Variants in FHAD1 observed in about 807,000 individuals in gnomAD.
FHAD1 encodes the protein forkhead-associated domain-containing protein 1.
FHAD1 carries 146 observed loss-of-function variants against 191.3 expected under a neutral mutation model. The observed-to-expected ratio is 0.76, with a 90% confidence interval of 0.67 to 0.88. The LOEUF (loss-of-function observed/expected upper bound fraction) is 0.88, where lower values mean the gene tolerates loss of function less well. Ranked by LOEUF, FHAD1 falls within the 40% of genes least tolerant of loss-of-function variation. FHAD1 has a pLI of 0.00. For synonymous variants in FHAD1, 616 were observed against 672.3 expected (o/e 0.92, Z 1.29); for missense variants, 1,635 against 1,785.8 (o/e 0.92, Z 1.52).
At chr1:15,350,339 G>A (rs973254032) in intron 19 of FHAD1, among the ~76,000 whole-genome samples, 2 of 152,234 alleles carry the variant, frequency 1.3e-5, no homozygotes, top group South Asian at 2.1e-4. Flanking sequence ...GAGAGTGCCC[G>A]AGGGCAGGAC....
intron 19 of FHAD1, among the ~76,000 whole-genome samples, chr1:15,351,292 C>A (rs928398793): frequency 1.3e-5 from 2 of 152,158 alleles, no homozygotes; most frequent in Non-Finnish European, 2.9e-5. Context: ...TTGCAGACAG[C>A]TGAGAGCACG....
rs199936638 is a variant in FHAD1 at position 15,352,908 on chromosome 1, G to A, written c.2486G>A (p.Arg829His). Residue 829 changes from arginine (R) to histidine (H), a missense_variant, in exon 20 of 34, where the codon CGC becomes CAC. Physicochemically the swap from Arg to His is conservative, Grantham distance 29. Transcript: ENST00000688493. Reference sequence around the variant, plus strand: ...GAGAGCAACATTGCGTACGAGAAACGCAAAGCAAAGGAGGCCATGGAGAAG... The same window carrying A: ...GAGAGCAACATTGCGTACGAGAAACACAAAGCAAAGGAGGCCATGGAGAAG... ...ISESNIAYEKRKAKEAMEKEK... is the reference protein window; with the variant it reads ...ISESNIAYEKHKAKEAMEKEK... The A allele has an allele frequency of 1.9e-4, 299 of 1,551,432 alleles. No individual in the cohort carries two copies. Among genetic ancestry groups the A allele is most frequent in the African/African-American group, 2.7e-4 (20 of 73,044 alleles).
intron 33 of FHAD1, among the ~76,000 whole-genome samples, chr1:15,395,415 G>T (rs1007947572): frequency 6.6e-6 from 1 of 151,768 alleles, no homozygotes; most frequent in Admixed American, 6.6e-5. Context: ...TGTCATTTCT[G>T]CCCCTCTCCA....
At chr1:15,339,630 C>A in intron 15 of FHAD1, 79 bp downstream of exon 15, 1 of 573,254 alleles carries the variant, frequency 1.7e-6, no homozygotes, top group Non-Finnish European at 2.8e-6. Context: ...GCATTTGAAA[C>A]CTGTTTTTTC....
intron 15 of FHAD1, among the ~76,000 whole-genome samples, chr1:15,339,856 C>T (rs937021327): frequency 3.3e-5 from 5 of 151,828 alleles, no homozygotes; most frequent in African/African-American, 1.2e-4. Flanking sequence ...TTTTGAGTCT[C>T]GCTCTGTTGC....
At chr1:15,398,853 T>G (rs1706763554), downstream of FHAD1, among the ~76,000 whole-genome samples, 1 of 149,564 alleles carries the variant, frequency 6.7e-6, no homozygotes, top group Non-Finnish European at 1.5e-5. Context: ...AGAGTTTCAC[T>G]CTGGTCGCCC....
intron 21 of FHAD1, among the ~76,000 whole-genome samples, chr1:15,359,732 T>C (rs1480334721): frequency 2.0e-5 from 3 of 151,730 alleles, no homozygotes; most frequent in Admixed American, 2.0e-4. Flanking sequence ...GGGCGGATCA[T>C]GAGGTCAAGA....
chr1:15,239,670 A>G (rs1482429046), intron 1 of FHAD1, among the ~76,000 whole-genome samples: 1 of 152,230 alleles, frequency 6.6e-6, no homozygotes, highest in Non-Finnish European at 1.5e-5. Context: ...TCCAACAATC[A>G]GAAAGTCTGG....
At position 15,381,955 on chromosome 1, in the gene FHAD1, TC is replaced by T; in HGVS notation, c.4023-71del. 1 of 1,503,010 alleles carries T rather than the reference TC, an allele frequency of 6.7e-7. No individual in the cohort carries two copies. Among genetic ancestry groups the T allele is most frequent in the Non-Finnish European group, 9.0e-7 (1 of 1,112,896 alleles). The allele number at this position is 1,503,010 out of a possible 1,614,324, so 93.1% of individuals were successfully genotyped here. A position where few individuals can be genotyped will look rare whatever the true frequency, so the allele number is the denominator to read the frequency against. On this transcript the variant is annotated intron_variant, in intron 30 of 33. Transcript: ENST00000688493. This position sits in a 1 kb window ranked among gnomAD's most constrained non-coding sequence, Gnocchi z 4.6. Reference sequence around the variant, plus strand: ...CACTGTGGATGTATTTTGAGAGACTTCCGGGTCTGGCACATTGATGATGATT... The same window carrying T: ...CACTGTGGATGTATTTTGAGAGACTTCGGGTCTGGCACATTGATGATGATT...
intron 28 of FHAD1, among the ~76,000 whole-genome samples, chr1:15,376,513 A>G (rs1013066538): frequency 2.0e-5 from 3 of 152,208 alleles, no homozygotes; most frequent in Non-Finnish European, 4.4e-5. Context: ...AGGCAGGAGA[A>G]GGGATCCGTG....
At chr1:15,384,314 G>A in intron 31 of FHAD1, 1 of 152,894 alleles carries the variant, frequency 6.5e-6, no homozygotes, top group Non-Finnish European at 1.5e-5. Flanking sequence ...TCGTGGGGCT[G>A]CCTCGGGCAG....
intron 4 of FHAD1, 178 bp from the exon 5 acceptor site, chr1:15,296,506 G>A: frequency 1.6e-6 from 1 of 627,042 alleles, no homozygotes; most frequent in South Asian, 1.5e-5. Context: ...GCCTGCCTTG[G>A]CCTCCCAAAG....
At chr1:15,306,715 G>C (rs181142922) in intron 6 of FHAD1, among the ~76,000 whole-genome samples, 52 of 152,364 alleles carry the variant, frequency 3.4e-4, no homozygotes, top group African/African-American at 1.3e-3. Flanking sequence ...ACATGGTGTT[G>C]AGCCTGCAGG....
chr1:15,328,255 T>A, intron 12 of FHAD1, 22 bp from the exon 13 acceptor site: 1 of 1,458,586 alleles, frequency 6.9e-7, no homozygotes, highest in Non-Finnish European at 9.1e-7. Context: ...TTTTTTTTTT[T>A]CCTTTTTCTT....
chr1:15,354,419 G>A (rs1692000537), intron 20 of FHAD1, among the ~76,000 whole-genome samples: 1 of 152,220 alleles, frequency 6.6e-6, no homozygotes, highest in South Asian at 2.1e-4. Context: ...TCCAGAGAAG[G>A]CAGACGAGAG....
chr1:15,315,783 G>A (rs895844704), intron 8 of FHAD1, among the ~76,000 whole-genome samples: 7 of 152,126 alleles, frequency 4.6e-5, no homozygotes, highest in African/African-American at 1.7e-4. Context: ...ACCGCGCCCA[G>A]CCGGGTATTT....
intron 7 of FHAD1, among the ~76,000 whole-genome samples, chr1:15,310,444 TC>T (rs1230968552): frequency 6.6e-6 from 1 of 152,088 alleles, no homozygotes; most frequent in Non-Finnish European, 1.5e-5. Flanking sequence ...CCTGCCCTCC[TC>T]CCCAGCGTCT....
chr1:15,320,279 G>A (rs1045182520), intron 10 of FHAD1, among the ~76,000 whole-genome samples: 4 of 152,084 alleles, frequency 2.6e-5, no homozygotes, highest in African/African-American at 7.2e-5. Flanking sequence ...GCATGTGGCC[G>A]ACTGCAGTTC....
intron 20 of FHAD1, among the ~76,000 whole-genome samples, chr1:15,356,067 C>T (rs372859912): frequency 1.3e-5 from 2 of 152,094 alleles, no homozygotes; most frequent in Admixed American, 6.6e-5. Flanking sequence ...GCCTCAGCAT[C>T]GATATCGATA....
Sources: allele counts gnomAD v4.1 joint callset (sites outside exome capture counted in the v4.1 genomes callset), GRCh38; gene constraint gnomAD v4.1.1; non-coding constraint Gnocchi (gnomAD v3.1); transcripts MANE v1.5; gene names NCBI Gene and HGNC (gene_info 2026-07-23, HGNC 2026-07-21).